Variants in RUBCN observed in about 807,000 individuals in gnomAD.
RUBCN encodes the protein run domain Beclin-1-interacting and cysteine-rich domain-containing protein.
RUBCN carries 74 observed loss-of-function variants against 113.2 expected under a neutral mutation model. That is an observed-to-expected ratio of 0.65 (90% CI 0.54 to 0.79). The LOEUF (loss-of-function observed/expected upper bound fraction) is 0.79. RUBCN is among the 30% of genes least tolerant of loss of function. RUBCN has a pLI of 0.00. For missense variants in RUBCN, 1,109 were observed against 1,251.7 expected, an observed-to-expected ratio of 0.89 and a Z score of 1.72; for synonymous variants, 480 against 490.0, an observed-to-expected ratio of 0.98 and a Z score of 0.27.
At chr3:197,735,193 T>TA (rs1480362498) in intron 1 of RUBCN, among the ~76,000 whole-genome samples, 13 of 152,176 alleles carry the variant, frequency 8.5e-5, no homozygotes, top group Non-Finnish European at 1.5e-4. Flanking sequence ...GCCCAGGAGT[T>TA]AGAGACCAGC....
intron 1 of RUBCN, among the ~76,000 whole-genome samples, chr3:197,731,798 G>C (rs1170405170): frequency 1.3e-5 from 2 of 148,430 alleles, no homozygotes; most frequent in Non-Finnish European, 3.0e-5. Context: ...CGGGCGGGGG[G>C]CTGACCCCCC....
chr3:197,684,490 A>G (rs1024180432), intron 11 of RUBCN, among the ~76,000 whole-genome samples: 4 of 152,154 alleles, frequency 2.6e-5, no homozygotes, highest in African/African-American at 9.7e-5. Context: ...GCTTTGGTGT[A>G]AAACAGTGAA....
intron 18 of RUBCN, chr3:197,676,611 C>G (rs1395729757): frequency 1.5e-6 from 2 of 1,326,786 alleles, no homozygotes; most frequent in African/African-American, 3.0e-5. Context: ...CCGTGCCTGG[C>G]CAACACTTCT....
upstream of RUBCN, among the ~76,000 whole-genome samples, chr3:197,738,421 G>C (rs1728344666): frequency 6.6e-6 from 1 of 152,120 alleles, no homozygotes; most frequent in African/African-American, 2.4e-5. Flanking sequence ...CTTGACAAAA[G>C]TGTTTTGGCA....
At chr3:197,706,607 C>T (rs1381828455) in intron 2 of RUBCN, among the ~76,000 whole-genome samples, 2 of 151,768 alleles carry the variant, frequency 1.3e-5, no homozygotes, top group Non-Finnish European at 2.9e-5. Context: ...TCACAAGAGC[C>T]CAGGAGGCAG....
intron 2 of RUBCN, among the ~76,000 whole-genome samples, chr3:197,711,568 C>T (rs1724966993): frequency 6.6e-6 from 1 of 152,086 alleles, no homozygotes; most frequent in Non-Finnish European, 1.5e-5. Context: ...GGCATGGTGG[C>T]TCATGCCTGT....
Position 197,704,954 on chromosome 3 carries a change from G to A in RUBCN, c.303+138C>T, listed in dbSNP as rs527775629. 38 of 788,120 alleles carry A rather than the reference G, an allele frequency of 4.8e-5. No individual in the cohort carries two copies. The South Asian group carries it at 5.0e-4, about 10-fold the overall frequency. 48.8% of individuals were successfully genotyped at this position (788,120 alleles called of 1,614,324 possible). A position where few individuals can be genotyped will look rare whatever the true frequency, so the allele number is the denominator to read the frequency against. On this transcript the variant is annotated intron_variant, in intron 3 of 19. Transcript: ENST00000296343. ...AGCAAATAAAGTCAGTCCCTACAGG[G>A]ATAATTAATTTCCTTTCCTCAGCTG...
At chr3:197,700,228 T>A (rs922066345) in intron 7 of RUBCN, among the ~76,000 whole-genome samples, 9 of 152,194 alleles carry the variant, frequency 5.9e-5, no homozygotes, top group Admixed American at 3.3e-4. Context: ...ATTGGTATTA[T>A]TACACCCTGG....
intron 5 of RUBCN, among the ~76,000 whole-genome samples, chr3:197,703,221 A>ACTCTGTC (rs1723880914): frequency 6.6e-6 from 1 of 151,390 alleles, no homozygotes; most frequent in African/African-American, 2.4e-5. Context: ...ACATGGTGAA[A>ACTCTGTC]CTCTGTCTCT....
At chr3:197,714,225 G>A (rs1725270854) in intron 2 of RUBCN, among the ~76,000 whole-genome samples, 1 of 152,212 alleles carries the variant, frequency 6.6e-6, no homozygotes, top group African/African-American at 2.4e-5. Flanking sequence ...ATGGATGTGA[G>A]CAATGAGTCT....
chr3:197,673,384 C>A lies in RUBCN; in HGVS notation c.*1634G>T, dbSNP rs1214277700. On this transcript the variant is annotated 3_prime_UTR_variant, in exon 20 of 20. Coordinates refer to ENST00000296343, the MANE Select transcript of RUBCN (RefSeq NM_014687.4). ...TACCGCCAGCTCAAGCTCTCATCAGCTTCCACCAACCACAGGCAACTTTCC... is the reference window on the plus strand; with the variant it reads ...TACCGCCAGCTCAAGCTCTCATCAGATTCCACCAACCACAGGCAACTTTCC... 1 of 152,542 alleles carries A rather than the reference C, an allele frequency of 6.6e-6. No individual in the cohort carries two copies. The highest frequency in any genetic ancestry group is 2.4e-5 in the African/African-American group (1 of 41,462). The allele number at this position is 152,542 out of a possible 1,614,324, so 9.4% of individuals were successfully genotyped here.
intron 11 of RUBCN, among the ~76,000 whole-genome samples, chr3:197,690,737 G>A (rs377148828): frequency 1.6e-4 from 25 of 152,290 alleles, no homozygotes; most frequent in African/African-American, 5.5e-4. Flanking sequence ...GTATAGGTTT[G>A]AACTAAAATT....
chr3:197,728,685 G>A (rs1160154612), intron 1 of RUBCN, among the ~76,000 whole-genome samples: 1 of 152,166 alleles, frequency 6.6e-6, no homozygotes, highest in African/African-American at 2.4e-5. Flanking sequence ...TTAAAGAAGC[G>A]TTATAGCGGT....
At chr3:197,704,504 G>A (rs1416443782) in intron 4 of RUBCN, 38 bp downstream of exon 4, 24 of 1,599,658 alleles carry the variant, frequency 1.5e-5, no homozygotes, top group Non-Finnish European at 2.1e-5. Context: ...GTGACAACGA[G>A]GAAGCACAGA....
At chr3:197,703,357 C>T (rs918567158) in intron 5 of RUBCN, among the ~76,000 whole-genome samples, 191 bp downstream of exon 5, 1 of 129,226 alleles carries the variant, frequency 7.7e-6, no homozygotes, top group Non-Finnish European at 1.6e-5. Flanking sequence ...GAGATTGCAC[C>T]ACTGCACTCC....
chr3:197,696,925 A>AT, intron 8 of RUBCN, 29 bp downstream of exon 8: 1 of 1,239,338 alleles, frequency 8.1e-7, no homozygotes, highest in Middle Eastern at 1.9e-4. Context: ...AAAATATACA[A>AT]TTTTAGCCCT....
intron 11 of RUBCN, 29 bp from the exon 12 acceptor site, chr3:197,684,246 G>C (rs535405299): frequency 6.3e-7 from 1 of 1,590,904 alleles, no homozygotes; most frequent in East Asian, 2.2e-5. Context: ...TAAGGGGAGC[G>C]CAATGGAAAC....
At chr3:197,741,871 C>T (rs1443214126), upstream of RUBCN, among the ~76,000 whole-genome samples, 2 of 151,836 alleles carry the variant, frequency 1.3e-5, no homozygotes, top group Non-Finnish European at 2.9e-5. Flanking sequence ...GAACACTTGC[C>T]AGCCACGAAC....
In RUBCN at chr3:197,673,292, C is replaced by T. The variant is rs9845117; in HGVS notation, c.*1726G>A. The T allele has an allele frequency of 0.021, 3,164 of 152,486 alleles. 70 individuals carry two copies. The highest frequency in any genetic ancestry group is 0.064 in the African/African-American group (2,646 of 41,558). The allele number at this position is 152,486 out of a possible 1,614,324, so 9.4% of individuals were successfully genotyped here. A position where few individuals can be genotyped will look rare whatever the true frequency, so the allele number is the denominator to read the frequency against. On this transcript the variant is annotated 3_prime_UTR_variant, in exon 20 of 20. Transcript: ENST00000296343. ...GCCAGTTCCCACATGTTCCCTCTCA[C>T]GCTGGTGGAGCCTCAGCCCTGGCCA...
Sources: allele counts gnomAD v4.1 joint callset (sites outside exome capture counted in the v4.1 genomes callset), GRCh38; gene constraint gnomAD v4.1.1; transcripts MANE v1.5; gene names NCBI Gene and HGNC (gene_info 2026-07-23, HGNC 2026-07-21).